SLC2A9: variants seen among roughly 807,000 people sequenced by gnomAD.
SLC2A9 encodes solute carrier family 2, facilitated glucose transporter member 9.
A neutral mutation model predicts 50.6 loss-of-function variants in SLC2A9; 39 were observed. That is an observed-to-expected ratio of 0.77 (90% confidence interval 0.60 to 1.01). The LOEUF (loss-of-function observed/expected upper bound fraction) is 1.01. SLC2A9 is among the 50% of genes least tolerant of loss of function. The pLI, the probability that SLC2A9 is intolerant of heterozygous loss-of-function variation, is 0.00. For missense variants in SLC2A9, 686 were observed against 677.6 expected (o/e 1.01, Z -0.14); for synonymous variants, 324 against 276.9 (o/e 1.17, Z -1.69).
intron 5 of SLC2A9, among the ~76,000 whole-genome samples, chr4:9,957,872 T>A (rs1324086952): frequency 1.3e-5 from 2 of 151,250 alleles, no homozygotes; most frequent in Non-Finnish European, 2.9e-5. Flanking sequence ...AAATGGGAGG[T>A]TAGGAGAAAA....
chr4:9,882,878 A>G (rs1735479654), intron 10 of SLC2A9, among the ~76,000 whole-genome samples: 1 of 152,208 alleles, frequency 6.6e-6, no homozygotes, highest in Non-Finnish European at 1.5e-5. Flanking sequence ...ATTTATTAGC[A>G]GAACAATAAG....
At chr4:9,790,785 T>C (rs996530596) in intron 3 of SLC2A9, among the ~76,000 whole-genome samples, 13 of 152,330 alleles carry the variant, frequency 8.5e-5, no homozygotes, top group African/African-American at 2.6e-4. Flanking sequence ...AAAAATTGGA[T>C]GTGTTAGAAT....
At chr4:9,771,217 G>A in exon 2 of SLC2A9, 2 of 348,748 alleles carry the variant, frequency 5.7e-6, no homozygotes, top group Admixed American at 9.5e-5. Flanking sequence ...CTAAGCTGCA[G>A]TGAGTAATAA....
At chr4:10,004,182 C>T (rs969112580) in intron 2 of SLC2A9, among the ~76,000 whole-genome samples, 1 of 152,224 alleles carries the variant, frequency 6.6e-6, no homozygotes, top group Non-Finnish European at 1.5e-5. Flanking sequence ...ATGTATCAGA[C>T]ATTTGGATAT....
intron 8 of SLC2A9, among the ~76,000 whole-genome samples, chr4:9,893,588 G>A (rs528937590): frequency 3.3e-5 from 5 of 150,754 alleles, no homozygotes; most frequent in Admixed American, 2.6e-4. Context: ...GAGGGAGGGA[G>A]TGAGGGAGGG....
chr4:10,005,991 G>A (rs1760716616), intron 2 of SLC2A9, among the ~76,000 whole-genome samples: 1 of 152,196 alleles, frequency 6.6e-6, no homozygotes, highest in South Asian at 2.1e-4. Context: ...ATACAGCACA[G>A]TGCTGGGTCG....
intron 3 of SLC2A9, chr4:9,782,086 GCAGCT>G (rs1011181846): frequency 2.0e-6 from 3 of 1,522,332 alleles, no homozygotes; most frequent in Admixed American, 2.1e-5. Flanking sequence ...CTCTATACCA[GCAGCT>G]GGCGCAGGGG....
chr4:9,796,104 T>C (rs1720564937), downstream of SLC2A9, among the ~76,000 whole-genome samples: 1 of 152,200 alleles, frequency 6.6e-6, no homozygotes, highest in Non-Finnish European at 1.5e-5. Flanking sequence ...CTAGAGCTTA[T>C]TCTTCTCACT....
intron 3 of SLC2A9, 118 bp downstream of exon 3, chr4:9,996,663 G>C: frequency 7.9e-7 from 1 of 1,263,862 alleles, no homozygotes; most frequent in South Asian, 1.3e-5. Context: ...TTGGGCATTT[G>C]AATCTCTCCA....
intron 5 of SLC2A9, among the ~76,000 whole-genome samples, chr4:9,953,498 C>T (rs919143829): frequency 7.9e-5 from 12 of 152,240 alleles, no homozygotes; most frequent in Admixed American, 5.2e-4. Context: ...TAAATTTAAC[C>T]TCTATGAGCC....
intron 3 of SLC2A9, among the ~76,000 whole-genome samples, chr4:9,788,105 A>G (rs187787430): frequency 5.9e-5 from 9 of 152,246 alleles, no homozygotes; most frequent in African/African-American, 2.2e-4. Flanking sequence ...TAATCTTTCT[A>G]AATGTATTGT....
chr4:9,891,155 T>C (rs1577726074), intron 8 of SLC2A9, among the ~76,000 whole-genome samples: 1 of 152,186 alleles, frequency 6.6e-6, no homozygotes, highest in African/African-American at 2.4e-5. Context: ...GAAGCCCATG[T>C]CGTTTTCCAG....
At chr4:9,978,744 C>T (rs1166011675) in intron 5 of SLC2A9, among the ~76,000 whole-genome samples, 1 of 152,160 alleles carries the variant, frequency 6.6e-6, no homozygotes, top group African/African-American at 2.4e-5. Context: ...AAACTAAAGT[C>T]ATAGCCGTAA....
At chr4:9,807,442 T>A (rs1015172619) in intron 3 of SLC2A9, among the ~76,000 whole-genome samples, 1 of 152,216 alleles carries the variant, frequency 6.6e-6, no homozygotes, top group African/African-American at 2.4e-5. Context: ...CAGATGCCTC[T>A]TGTTTGAGCT....
intron 3 of SLC2A9, among the ~76,000 whole-genome samples, chr4:9,810,341 C>T (rs1722713356): frequency 1.3e-5 from 2 of 152,144 alleles, no homozygotes; most frequent in African/African-American, 4.8e-5. Context: ...TTTTTCTCAT[C>T]CTTAATTTCC....
At chr4:9,887,353 A>G (rs184217662) in intron 10 of SLC2A9, among the ~76,000 whole-genome samples, 6 of 152,226 alleles carry the variant, frequency 3.9e-5, no homozygotes, top group African/African-American at 1.4e-4. Flanking sequence ...TCTCCCACTC[A>G]TCTTCAGGTG....
chr4:9,862,499 G>T (rs960799992), intron 10 of SLC2A9, among the ~76,000 whole-genome samples: 23 of 151,926 alleles, frequency 1.5e-4, no homozygotes, highest in African/African-American at 5.6e-4. Flanking sequence ...GTGTTAGTCT[G>T]TCTTTTGTTA....
chr4:9,981,197 C>CAATG (rs1755722285), intron 4 of SLC2A9, among the ~76,000 whole-genome samples: 1 of 4,158 alleles, frequency 2.4e-4, no homozygotes, highest in African/African-American at 8.3e-4. Flanking sequence ...TAGTGATGGT[C>CAATG]ATGATGGTGA....
intron 2 of SLC2A9, among the ~76,000 whole-genome samples, chr4:10,013,051 T>C (rs1434911129): frequency 6.6e-6 from 1 of 152,164 alleles, no homozygotes; most frequent in Non-Finnish European, 1.5e-5. Context: ...AGAGAATGAA[T>C]AGAGCCTAGC....
Sources: allele counts gnomAD v4.1 joint callset (sites outside exome capture counted in the v4.1 genomes callset), GRCh38; gene constraint gnomAD v4.1.1; transcripts MANE v1.5; gene names NCBI Gene and HGNC (gene_info 2026-07-23, HGNC 2026-07-21).